WDR33: variants seen among roughly 807,000 people sequenced by gnomAD.
The protein encoded by WDR33 is pre-mRNA 3' end processing protein WDR33.
A neutral mutation model predicts 164.9 loss-of-function variants in WDR33; 47 were observed. The observed-to-expected ratio is 0.29, with a 90% CI of 0.23 to 0.36. WDR33 has a LOEUF of 0.36. WDR33 is among the 10% of genes least tolerant of loss of function. The probability of loss-of-function intolerance (pLI) is 1.00; values close to 1 mark genes in which losing one functional copy is unlikely to be tolerated. For synonymous variants in WDR33, 505 were observed against 589.0 expected (o/e 0.86, Z 2.06); for missense variants, 1,137 against 1,754.1 (o/e 0.65, Z 6.28).
chr2:127,701,829 TTGC>T lies in WDR33; in HGVS notation c.*4491_*4493del, dbSNP rs1392095241. 16 of 1,457,666 alleles carry T rather than the reference TTGC, an allele frequency of 1.1e-5. No homozygotes were observed. Among genetic ancestry groups the T allele is most frequent in the Non-Finnish European group, 1.4e-5 (15 of 1,109,230 alleles). The allele number at this position is 1,457,666 out of a possible 1,614,324, so 90.3% of individuals were successfully genotyped here. Reference sequence around the variant, plus strand: ...CCTAGCCGCGCTCTACGCACCGGTGTTGCTGCTGCGCGCGCGCAAGTTCGCGCT... The same window carrying T: ...CCTAGCCGCGCTCTACGCACCGGTGTTGCTGCGCGCGCGCAAGTTCGCGCT... On this transcript the variant is annotated 3_prime_UTR_variant, in exon 22 of 22. Coordinates refer to ENST00000322313, the MANE Select transcript of WDR33 (RefSeq NM_018383.5).
At chr2:127,758,200 T>A (rs6725320) in intron 7 of WDR33, among the ~76,000 whole-genome samples, 24,253 of 152,134 alleles carry the variant, frequency 0.16, 2,108 homozygotes, top group South Asian at 0.25. Flanking sequence ...TGAACCTGAA[T>A]ACCTAGTTTC....
chr2:127,763,287 A>G lies in WDR33; in HGVS notation c.627-128T>C, dbSNP rs995256438. Reference sequence around the variant, plus strand: ...CAGGAGAGGGAAGAATCCAGTGAAGAAGCCCTTAAAGTGAATGTCGTCAGC... The same window carrying G: ...CAGGAGAGGGAAGAATCCAGTGAAGGAGCCCTTAAAGTGAATGTCGTCAGC... On this transcript the variant is annotated intron_variant, in intron 6 of 21. Coordinates refer to ENST00000322313, the MANE Select transcript of WDR33 (RefSeq NM_018383.5). This position sits in a 1 kb window ranked among gnomAD's most constrained non-coding sequence, Gnocchi z 4.5. The G allele has an allele frequency of 2.2e-5, 33 of 1,489,356 alleles. No homozygotes were observed. In the African/African-American group the frequency reaches 4.2e-4, roughly 19 times the overall value. 92.3% of individuals were successfully genotyped at this position (1,489,356 alleles called of 1,614,324 possible).
At chr2:127,780,684 C>A (rs1688340964) in intron 1 of WDR33, among the ~76,000 whole-genome samples, 2 of 151,942 alleles carry the variant, frequency 1.3e-5, no homozygotes, top group African/African-American at 2.4e-5. Context: ...CACAGTGAGA[C>A]CCTCCTCCTT....
intron 7 of WDR33, among the ~76,000 whole-genome samples, chr2:127,739,342 T>C (rs995259159): frequency 4.6e-5 from 7 of 151,766 alleles, no homozygotes; most frequent in African/African-American, 1.5e-4. Context: ...CGACTATGAT[T>C]TCCCCCCCGT....
intron 1 of WDR33, among the ~76,000 whole-genome samples, chr2:127,786,255 G>T (rs920283840): frequency 6.6e-6 from 1 of 152,118 alleles, no homozygotes; most frequent in Non-Finnish European, 1.5e-5. Context: ...GGCTAGTCTG[G>T]AACTCCTAGG....
At chr2:127,739,742 G>T (rs1686959647) in intron 7 of WDR33, among the ~76,000 whole-genome samples, 1 of 152,190 alleles carries the variant, frequency 6.6e-6, no homozygotes, top group Non-Finnish European at 1.5e-5. Context: ...CCCTGAAAAA[G>T]TTCACCATGG....
At chr2:127,805,291 A>T (rs1689396805) in intron 1 of WDR33, among the ~76,000 whole-genome samples, 1 of 151,542 alleles carries the variant, frequency 6.6e-6, no homozygotes, top group Non-Finnish European at 1.5e-5. Flanking sequence ...CAAATTGTCC[A>T]GGCTGGTCTT....
In WDR33 at chr2:127,708,357, G is replaced by A. The variant is rs181911761; in HGVS notation, c.3781+320C>T. Among the ~76,000 whole-genome samples the A allele has an allele frequency of 2.6e-5, 4 of 152,320 alleles. No homozygotes were observed. The highest frequency in any genetic ancestry group is 4.8e-5 in the African/African-American group (2 of 41,576). ...TCCCCTCCCACTGAGAGCCCTTGAG[G>A]GTTCCAAGCAGCCTTGTGGAGGGCA... is the stretch of plus-strand genomic sequence containing the variant. On this transcript the variant is annotated intron_variant, in intron 21 of 21. Coordinates refer to ENST00000322313, the MANE Select transcript of WDR33 (RefSeq NM_018383.5). This position sits in a 1 kb window ranked among gnomAD's most constrained non-coding sequence, Gnocchi z 6.7.
chr2:127,726,829 C>G lies in WDR33; in HGVS notation c.725-52G>C, dbSNP rs1686582421. 1 of 1,599,488 alleles carries G rather than the reference C, an allele frequency of 6.3e-7. No homozygotes were observed. Among genetic ancestry groups the G allele is most frequent in the African/African-American group, 1.3e-5 (1 of 74,324 alleles). ...CCTAATTAGTTACATGCATTTAAAGCAATTTAAACCAAAGTAGAGAAACCT... is the reference window on the plus strand; with the variant it reads ...CCTAATTAGTTACATGCATTTAAAGGAATTTAAACCAAAGTAGAGAAACCT... On this transcript the variant is annotated intron_variant, in intron 7 of 21. Transcript: ENST00000322313. The surrounding 1 kb of genome is among the most constrained non-coding windows in gnomAD (Gnocchi z 4.8).
At chr2:127,788,021 T>A in intron 1 of WDR33, among the ~76,000 whole-genome samples, 1 of 63,998 alleles carries the variant, frequency 1.6e-5, no homozygotes, top group Non-Finnish European at 2.8e-5. Flanking sequence ...GCGGGGGGGC[T>A]GACACCCCCC....
chr2:127,711,190 C>T (rs1484240574), intron 18 of WDR33, among the ~76,000 whole-genome samples: 2 of 151,988 alleles, frequency 1.3e-5, no homozygotes, highest in Admixed American at 6.6e-5. Context: ...TTTGGGAGGC[C>T]GAGGCAGGCA....
In WDR33 at chr2:127,764,592, C is replaced by A. The variant is rs557391879; in HGVS notation, c.626+236G>T. 1.3e-6 allele frequency: 2 copies of A among 1,551,806 alleles called. No individual in the cohort carries two copies. Among genetic ancestry groups the A allele is most frequent in the Admixed American group, 2.0e-5 (1 of 50,828 alleles). On this transcript the variant is annotated intron_variant, in intron 6 of 21. Transcript: ENST00000322313. The surrounding 1 kb of genome is among the most constrained non-coding windows in gnomAD (Gnocchi z 6.2). Reference sequence around the variant, plus strand: ...GAAAAGAGAAAACCAGTGCAAAATGCGGCAGACAGTACATCTCTAACATAT... The same window carrying A: ...GAAAAGAGAAAACCAGTGCAAAATGAGGCAGACAGTACATCTCTAACATAT...
rs574884085 is a variant in WDR33, at chr2:127,800,497, C to A, written c.-24+10515G>T. On this transcript the variant is annotated intron_variant, in intron 1 of 21. Transcript: ENST00000322313. ...AAAAAATTCAAAAAAATTAGCCAGG[C>A]GTGGTGGAGGGCGCCTGTAGTCCCA... Among the ~76,000 whole-genome samples, 5 of 151,986 alleles carry A rather than the reference C, an allele frequency of 3.3e-5. No individual in the cohort carries two copies. The South Asian group carries it at 8.3e-4, about 25-fold the overall frequency.
At chr2:127,809,664 G>A (rs542100343) in intron 1 of WDR33, among the ~76,000 whole-genome samples, 4 of 152,172 alleles carry the variant, frequency 2.6e-5, no homozygotes, top group African/African-American at 9.6e-5. Flanking sequence ...TCGAACTCCT[G>A]ACCTCAGGTG....
Position 127,740,346 on chromosome 2 carries a change from T to C in WDR33, c.725-13569A>G, listed in dbSNP as rs1024678957. Among the ~76,000 whole-genome samples, 11 of 149,798 alleles carry C rather than the reference T, an allele frequency of 7.3e-5. No individual in the cohort carries two copies. The East Asian group carries it at 2.2e-3, about 29-fold the overall frequency. On this transcript the variant is annotated intron_variant, in intron 7 of 21. Coordinates refer to ENST00000322313, the MANE Select transcript of WDR33 (RefSeq NM_018383.5). Reference sequence around the variant, plus strand: ...ACTTTGGGAGGGATTTGTATTTCTCTACACACACACACACACACACACACA... The same window carrying C: ...ACTTTGGGAGGGATTTGTATTTCTCCACACACACACACACACACACACACA...
chr2:127,764,014 G>A lies in WDR33; in HGVS notation c.626+814C>T. On this transcript the variant is annotated intron_variant, in intron 6 of 21. Transcript: ENST00000322313. The surrounding 1 kb of genome is among the most constrained non-coding windows in gnomAD (Gnocchi z 6.2). The stretch of plus-strand genomic sequence containing the variant: ...CAGTGGATGATGTTTCCATAAAGAT[G>A]TCAACCTCCTCCCACACATGGGTGG... 2 of 986,222 alleles carry A rather than the reference G, an allele frequency of 2.0e-6. No individual in the cohort carries two copies. Among genetic ancestry groups the A allele is most frequent in the South Asian group, 4.7e-5 (1 of 21,324 alleles). 61.1% of individuals were successfully genotyped at this position (986,222 alleles called of 1,614,324 possible). A position where few individuals can be genotyped will look rare whatever the true frequency, so the allele number is the denominator to read the frequency against.
chr2:127,795,102 C>CTTTTTTT (rs552910693), intron 1 of WDR33, among the ~76,000 whole-genome samples: 2,223 of 130,980 alleles, frequency 0.017, 65 homozygotes, highest in Middle Eastern at 0.039. Flanking sequence ...AATAACTTCT[C>CTTTTTTT]TTTTTTTTTT....
rs949299003 is a variant in WDR33, at chr2:127,708,201, A to G, written c.3781+476T>C. On this transcript the variant is annotated intron_variant, in intron 21 of 21. Coordinates refer to ENST00000322313, the MANE Select transcript of WDR33 (RefSeq NM_018383.5). The surrounding 1 kb of genome is among the most constrained non-coding windows in gnomAD (Gnocchi z 6.7). ...CTCCACAGTTCCCAGTTGAGGAGAT[A>G]ATCTACTGTGCCCCTGGAAACACTG... Among the ~76,000 whole-genome samples, 1 of 152,198 alleles carries G rather than the reference A, an allele frequency of 6.6e-6. No individual in the cohort carries two copies. Among genetic ancestry groups the G allele is most frequent in the Admixed American group, 6.5e-5 (1 of 15,276 alleles).
intron 7 of WDR33, among the ~76,000 whole-genome samples, chr2:127,746,737 T>C (rs74593284): frequency 0.077 from 11,696 of 152,302 alleles, 471 homozygotes; most frequent in Non-Finnish European, 0.092. Flanking sequence ...AACTAGAATT[T>C]TGGAGCAGCT....
Sources: gnomAD v4.1 joint callset for allele counts (sites outside exome capture counted in the v4.1 genomes callset) on GRCh38, gnomAD v4.1.1 for gene constraint, Gnocchi (gnomAD v3.1) non-coding constraint, MANE v1.5 for transcripts, NCBI Gene and HGNC (gene_info 2026-07-23, HGNC 2026-07-21) for gene names.